The following PHKB variants were observed in gnomAD, a reference collection of about 807,000 sequenced individuals.
PHKB encodes phosphorylase b kinase regulatory subunit beta.
A neutral mutation model predicts 152.1 loss-of-function variants in PHKB; 122 were observed. The ratio of observed to expected loss-of-function variants is 0.80; its 90% CI spans 0.69 to 0.93. The LOEUF is 0.93. Ranked by LOEUF, PHKB falls within the 40% of genes least tolerant of loss-of-function variation. PHKB has a pLI of 0.00. For missense variants in PHKB, 1,304 were observed against 1,328.4 expected (o/e 0.98, Z 0.29); for synonymous variants, 436 against 464.9 (o/e 0.94, Z 0.80).
chr16:47,673,569 G>A (rs1973673435), intron 26 of PHKB, among the ~76,000 whole-genome samples: 2 of 152,116 alleles, frequency 1.3e-5, no homozygotes, highest in Non-Finnish European at 2.9e-5. Flanking sequence ...ATGGAATGGT[G>A]TAATTAATCA....
intron 7 of PHKB, chr16:47,565,402 A>G: frequency 3.5e-6 from 4 of 1,157,542 alleles, no homozygotes; most frequent in Non-Finnish European, 5.2e-6. Flanking sequence ...CACCACTTGT[A>G]GGGATTGCTG....
At chr16:47,645,257 C>G (rs1973094935) in intron 16 of PHKB, among the ~76,000 whole-genome samples, 1 of 142,526 alleles carries the variant, frequency 7.0e-6, no homozygotes, top group Non-Finnish European at 1.5e-5. Flanking sequence ...GTTGCCATTG[C>G]TTTTGGTGTT....
intron 6 of PHKB, among the ~76,000 whole-genome samples, chr16:47,528,448 C>T (rs1970802877): frequency 6.6e-6 from 1 of 152,094 alleles, no homozygotes; most frequent in African/African-American, 2.4e-5. Context: ...TAACTCCTGC[C>T]TTATAAAATA....
intron 23 of PHKB, 62 bp from the exon 24 acceptor site, chr16:47,663,615 A>C (rs369172849): frequency 1.5e-6 from 2 of 1,342,222 alleles, no homozygotes; most frequent in African/African-American, 2.9e-5. Flanking sequence ...TTTAAGAGGA[A>C]TAAATGTTGT....
intron 10 of PHKB, among the ~76,000 whole-genome samples, chr16:47,592,737 T>G (rs1219196093): frequency 3.9e-5 from 6 of 152,218 alleles, no homozygotes. Context: ...TTAGTAGCTC[T>G]CTGTCTAGTT....
intron 4 of PHKB, among the ~76,000 whole-genome samples, chr16:47,509,750 TAAC>T (rs1970478301): frequency 6.6e-6 from 1 of 152,200 alleles, no homozygotes; most frequent in Admixed American, 6.5e-5. Flanking sequence ...GTTTCTCTAC[TAAC>T]AACACTTCTG....
At chr16:47,518,940 A>G (rs1300136925) in intron 6 of PHKB, among the ~76,000 whole-genome samples, 2 of 152,238 alleles carry the variant, frequency 1.3e-5, no homozygotes, top group Non-Finnish European at 2.9e-5. Context: ...GAAATAAGAA[A>G]GAAATCATTT....
intron 1 of PHKB, among the ~76,000 whole-genome samples, chr16:47,474,160 T>A (rs992007781): frequency 6.6e-6 from 1 of 152,240 alleles, no homozygotes; most frequent in Non-Finnish European, 1.5e-5. Context: ...TGCTCTTTTT[T>A]CAAAATATAT....
At chr16:47,502,604 A>G (rs1970341605) in intron 3 of PHKB, among the ~76,000 whole-genome samples, 1 of 152,242 alleles carries the variant, frequency 6.6e-6, no homozygotes. Flanking sequence ...CCAAGCGGCC[A>G]TTGCATAACC....
chr16:47,647,095 T>TTTTA lies in PHKB; in HGVS notation c.1609-1424_1609-1421dup, dbSNP rs530693202. 3.3e-3 allele frequency among the ~76,000 whole-genome samples: 503 copies of TTTTA among 152,028 alleles called. 2 individuals carry two copies. The highest frequency in any genetic ancestry group is 0.011 in the African/African-American group (471 of 41,486). On this transcript the variant is annotated intron_variant, in intron 16 of 30. Transcript: ENST00000323584. ...ACTTCTGCAGACTTTCCCCCTCAGT[T>TTTTA]TTTATTTATTTATTTATGTATTTAT...
intron 7 of PHKB, among the ~76,000 whole-genome samples, chr16:47,550,161 A>G (rs946945546): frequency 2.0e-5 from 3 of 152,206 alleles, no homozygotes; most frequent in African/African-American, 7.2e-5. Context: ...TCCAAAGGAT[A>G]CATTTTGAAA....
intron 6 of PHKB, among the ~76,000 whole-genome samples, chr16:47,522,818 T>C (rs1260022674): frequency 6.6e-6 from 1 of 152,042 alleles, no homozygotes; most frequent in Admixed American, 6.5e-5. Context: ...AGTACAGTTT[T>C]TAATTTTCAC....
chr16:47,646,561 T>A (rs908848034), intron 16 of PHKB, among the ~76,000 whole-genome samples: 283 of 103,716 alleles, frequency 2.7e-3, no homozygotes, highest in Middle Eastern at 0.01. Flanking sequence ...AAATAAAAAA[T>A]AAAAAAATAA....
intron 13 of PHKB, among the ~76,000 whole-genome samples, chr16:47,599,369 G>T (rs576232384): frequency 6.6e-6 from 1 of 152,150 alleles, no homozygotes; most frequent in Non-Finnish European, 1.5e-5. Context: ...CAACTAGAAA[G>T]AATGTTGTTT....
chr16:47,648,044 A>T (rs1973165963), intron 16 of PHKB, among the ~76,000 whole-genome samples: 2 of 152,216 alleles, frequency 1.3e-5, no homozygotes, highest in Non-Finnish European at 2.9e-5. Flanking sequence ...GGATTGTGAA[A>T]ATAAACAGGA....
At chr16:47,659,304 C>T (rs760974820) in intron 20 of PHKB, among the ~76,000 whole-genome samples, 45 of 152,198 alleles carry the variant, frequency 3.0e-4, no homozygotes, top group Non-Finnish European at 6.2e-4. Flanking sequence ...AGTTAGCCAA[C>T]AAAAGCAACA....
intron 7 of PHKB, chr16:47,565,775 C>T: frequency 6.7e-7 from 1 of 1,495,944 alleles, no homozygotes; most frequent in Non-Finnish European, 9.3e-7. Context: ...CCTTCTGTAG[C>T]TGTTCTACTT....
chr16:47,581,469 G>A (rs1235981142), intron 8 of PHKB, among the ~76,000 whole-genome samples: 1 of 152,052 alleles, frequency 6.6e-6, no homozygotes, highest in African/African-American at 2.4e-5. Context: ...TTATATTAGG[G>A]GTCAGGAGAC....
intron 25 of PHKB, among the ~76,000 whole-genome samples, chr16:47,668,548 C>T (rs1973579770): frequency 1.3e-5 from 2 of 152,150 alleles, no homozygotes; most frequent in African/African-American, 2.4e-5. Context: ...CAGCTTATTC[C>T]CCTTGCCAGC....
Sources: gnomAD v4.1 joint callset for allele counts (sites outside exome capture counted in the v4.1 genomes callset) on GRCh38, gnomAD v4.1.1 for gene constraint, MANE v1.5 for transcripts, NCBI Gene and HGNC (gene_info 2026-07-23, HGNC 2026-07-21) for gene names.